PEAK1: variants seen among roughly 807,000 people sequenced by gnomAD.
PEAK1 encodes the protein pseudopodium enriched atypical kinase 1, also known as inactive tyrosine-protein kinase PEAK1.
Under a neutral mutation model 124.7 loss-of-function variants are expected in PEAK1, and 54 were observed. The ratio of observed to expected loss-of-function variants is 0.43; its 90% CI spans 0.35 to 0.54. The LOEUF (loss-of-function observed/expected upper bound fraction) is 0.54, where lower values mean the gene tolerates loss of function less well. Among genes scored for constraint, PEAK1 ranks in the 20% least tolerant of loss-of-function variants. PEAK1 has a pLI of 0.01. For synonymous variants in PEAK1, 719 were observed against 760.0 expected (o/e 0.95, Z 0.89); for missense variants, 2,046 against 2,134.5 (o/e 0.96, Z 0.82).
chr15:77,381,091 T>C (rs1433440923), intron 1 of PEAK1, among the ~76,000 whole-genome samples: 34 of 152,222 alleles, frequency 2.2e-4, no homozygotes, highest in Admixed American at 2.2e-3. Flanking sequence ...CCAGAGGCTC[T>C]GTGGAACCCA....
chr15:77,264,201 G>A (rs2061593955), intron 5 of PEAK1, among the ~76,000 whole-genome samples: 1 of 152,068 alleles, frequency 6.6e-6, no homozygotes, highest in Admixed American at 6.6e-5. Flanking sequence ...GCACAAGACA[G>A]GGATGCCCTC....
rs2050955369 is a variant in PEAK1 at position 77,111,181 on chromosome 15, T to C, written c.*2975A>G. 6.6e-6 allele frequency: 1 copy of C among 152,242 alleles called. No homozygotes were observed. 9.4% of individuals were successfully genotyped at this position (152,242 alleles called of 1,614,324 possible). A position where few individuals can be genotyped will look rare whatever the true frequency, so the allele number is the denominator to read the frequency against. On this transcript the variant is annotated 3_prime_UTR_variant, in exon 10 of 10. Coordinates refer to ENST00000682557, the MANE Select transcript of PEAK1 (RefSeq NM_001385026.1). ...ATCAATATTGAAGGCAATAACTTCC[T>C]GTTACTTGAGAAAATGTAAAGTGCT...
At chr15:77,331,132 C>T (rs2065868832) in intron 2 of PEAK1, 1 of 565,926 alleles carries the variant, frequency 1.8e-6, no homozygotes, top group Admixed American at 6.4e-5. Context: ...AAAATTTTTA[C>T]TTATTTATTT....
chr15:77,379,180 T>A (rs1038612180), intron 1 of PEAK1, among the ~76,000 whole-genome samples: 7 of 152,188 alleles, frequency 4.6e-5, no homozygotes, highest in Admixed American at 1.3e-4. Context: ...TTTTCTCCAA[T>A]GAAATAAAAG....
chr15:77,116,139 G>T (rs1195740925), intron 9 of PEAK1, among the ~76,000 whole-genome samples: 1 of 152,286 alleles, frequency 6.6e-6, no homozygotes, highest in East Asian at 1.9e-4. Context: ...ATACTGTGAC[G>T]ATTCTATTTC....
At chr15:77,416,030 C>T (rs564515054) in intron 1 of PEAK1, among the ~76,000 whole-genome samples, 18 of 152,198 alleles carry the variant, frequency 1.2e-4, no homozygotes, top group African/African-American at 4.3e-4. Context: ...TCAACACCCA[C>T]CCCCATGCAT....
rs540099816 is a variant in PEAK1 at position 77,284,071 on chromosome 15, G to C, written c.-422-41C>G. The C allele has an allele frequency of 5.1e-6, 5 of 978,026 alleles. No homozygotes were observed. The African/African-American group carries it at 8.7e-5, about 17-fold the overall frequency. The allele number at this position is 978,026 out of a possible 1,614,324, so 60.6% of individuals were successfully genotyped here. On this transcript the variant is annotated intron_variant, in intron 4 of 9. Transcript: ENST00000682557. ...ATGATAAACTTGGTTGAGAGTCACAGAGTCACTTAGTCTAGCCCAGCTATA... is the reference window on the plus strand; with the variant it reads ...ATGATAAACTTGGTTGAGAGTCACACAGTCACTTAGTCTAGCCCAGCTATA...
At chr15:77,207,187 T>C (rs1475326637) in intron 6 of PEAK1, among the ~76,000 whole-genome samples, 1 of 152,166 alleles carries the variant, frequency 6.6e-6, no homozygotes, top group African/African-American at 2.4e-5. Flanking sequence ...GGCATTACCA[T>C]TCAGGACATA....
At chr15:77,413,618 C>T (rs1228161158) in intron 1 of PEAK1, among the ~76,000 whole-genome samples, 1 of 151,976 alleles carries the variant, frequency 6.6e-6, no homozygotes. Flanking sequence ...TTGGGAGAGA[C>T]AAAGAAGACA....
chr15:77,125,790 C>T (rs2052325549), intron 9 of PEAK1, among the ~76,000 whole-genome samples: 1 of 152,254 alleles, frequency 6.6e-6, no homozygotes, highest in Non-Finnish European at 1.5e-5. Flanking sequence ...CAAGGCCTTA[C>T]TGCCAGTCAT....
intron 6 of PEAK1, among the ~76,000 whole-genome samples, chr15:77,182,855 G>A (rs187452098): frequency 1.2e-4 from 18 of 151,670 alleles, no homozygotes; most frequent in Admixed American, 1.0e-3. Context: ...GCAGTGGGAA[G>A]CCACTGAAGG....
intron 1 of PEAK1, among the ~76,000 whole-genome samples, chr15:77,389,847 G>A (rs1269637637): frequency 1.3e-5 from 2 of 152,126 alleles, no homozygotes; most frequent in Admixed American, 1.3e-4. Context: ...GGTTTACAGT[G>A]TATTTCAAGC....
intron 1 of PEAK1, among the ~76,000 whole-genome samples, chr15:77,398,437 T>C (rs1015322067): frequency 2.0e-5 from 3 of 152,214 alleles, no homozygotes; most frequent in Non-Finnish European, 2.9e-5. Flanking sequence ...GGATTTAACC[T>C]GAAGATGCAA....
At chr15:77,208,719 T>C (rs1036673772) in intron 6 of PEAK1, among the ~76,000 whole-genome samples, 1 of 151,984 alleles carries the variant, frequency 6.6e-6, no homozygotes, top group African/African-American at 2.4e-5. Flanking sequence ...CAATATAAAA[T>C]GATGGGTTAT....
At position 77,211,102 on chromosome 15, in the gene PEAK1, C is replaced by A. The variant is rs187273250; in HGVS notation, c.-114-29062G>T. Among the ~76,000 whole-genome samples the A allele has an allele frequency of 3.8e-4, 58 of 152,278 alleles. 2 individuals carry two copies. In the East Asian group the frequency reaches 0.011, roughly 29 times the overall value. ...AAAGTTTTATTAAAACAGGCAAACA[C>A]ATCCATTCACATACTGCCTATACCT... is the stretch of plus-strand genomic sequence containing the variant. On this transcript the variant is annotated intron_variant, in intron 6 of 9. Coordinates refer to ENST00000682557, the MANE Select transcript of PEAK1 (RefSeq NM_001385026.1).
chr15:77,146,483 CAG>C (rs777057748), intron 8 of PEAK1, among the ~76,000 whole-genome samples: 4 of 152,184 alleles, frequency 2.6e-5, no homozygotes, highest in African/African-American at 4.8e-5. Context: ...TCTCCAAAAA[CAG>C]AGATTATTTT....
rs973498249 is a variant in PEAK1 at position 77,252,447 on chromosome 15, A to G, written c.-195T>C. ...AGCAAAACATTCCTTCCAAATTTCA[A>G]GGTGCTTTGGGTCTTTCCAAGATGA... On this transcript the variant is annotated 5_prime_UTR_variant, in exon 6 of 10. Transcript: ENST00000682557. The G allele has an allele frequency of 2.0e-6, 2 of 985,156 alleles. No homozygotes were observed. Among genetic ancestry groups the G allele is most frequent in the Non-Finnish European group, 2.4e-6 (2 of 829,678 alleles). 61.0% of individuals were successfully genotyped at this position (985,156 alleles called of 1,614,324 possible).
chr15:77,179,156 C>T lies in PEAK1; in HGVS notation c.2771G>A (p.Arg924His), dbSNP rs753174811. The T allele has an allele frequency of 6.2e-6, 10 of 1,614,016 alleles. No homozygotes were observed. The highest frequency in any genetic ancestry group is 2.2e-5 in the East Asian group (1 of 44,882). ...SRRAADAKPK[R>H]WISFKSFFRR... ...GAAGAAGCTTTTAAATGATATCCAGCGCTTAGGTTTTGCATCAGCTGCCCG... is the reference window on the plus strand; with the variant it reads ...GAAGAAGCTTTTAAATGATATCCAGTGCTTAGGTTTTGCATCAGCTGCCCG... Residue 924 changes from arginine (R) to histidine (H), a missense_variant, in exon 7 of 10, where the codon CGC becomes CAC. Transcript: ENST00000682557.
upstream of PEAK1, chr15:77,420,707 G>A: frequency 5.1e-6 from 2 of 394,370 alleles, no homozygotes; most frequent in Non-Finnish European, 8.9e-6. Flanking sequence ...TCGCCGCATT[G>A]GGGCAAAATA....
Sources: gnomAD v4.1 joint callset for allele counts (sites outside exome capture counted in the v4.1 genomes callset) on GRCh38, gnomAD v4.1.1 for gene constraint, MANE v1.5 for transcripts, NCBI Gene and HGNC (gene_info 2026-07-23, HGNC 2026-07-21) for gene names.